Variants in OXR1 observed in about 807,000 individuals in gnomAD.
OXR1 encodes oxidation resistance protein 1.
In OXR1, 41 loss-of-function variants were observed where a neutral mutation model predicts 104.6. That is an observed-to-expected ratio of 0.39 (90% CI 0.31 to 0.51). The LOEUF (loss-of-function observed/expected upper bound fraction) is 0.51. Ranked by LOEUF, OXR1 falls within the 20% of genes least tolerant of loss-of-function variation. The probability of loss-of-function intolerance (pLI) is 0.77; values close to 1 mark genes in which losing one functional copy is unlikely to be tolerated. For synonymous variants in OXR1, 348 were observed against 348.4 expected, an observed-to-expected ratio of 1.00 and a Z score of 0.01; for missense variants, 955 against 1,031.9, an observed-to-expected ratio of 0.93 and a Z score of 1.02.
intron 1 of OXR1, among the ~76,000 whole-genome samples, chr8:106,270,642 A>AGACCGGGCGGCGAGGGAGGG: frequency 6.6e-6 from 1 of 151,970 alleles, no homozygotes; most frequent in Admixed American, 6.5e-5. Flanking sequence ...GCGAGGGAGG[A>AGACCGGGCGGCGAGGGAGGG]GACCGGGCGG....
At chr8:106,527,420 A>G (rs1006331530) in intron 3 of OXR1, among the ~76,000 whole-genome samples, 15 of 152,308 alleles carry the variant, frequency 9.8e-5, no homozygotes, top group Admixed American at 9.8e-4. Context: ...TTGTTACTCT[A>G]TAGATCTTTC....
At chr8:106,591,181 G>A (rs1007089633) in intron 3 of OXR1, among the ~76,000 whole-genome samples, 3 of 148,964 alleles carry the variant, frequency 2.0e-5, no homozygotes, top group East Asian at 2.0e-4. Context: ...GCAAACTATC[G>A]CAAGGACAAA....
At chr8:106,435,795 C>T (rs1178172892) in intron 2 of OXR1, among the ~76,000 whole-genome samples, 2 of 152,158 alleles carry the variant, frequency 1.3e-5, no homozygotes, top group Admixed American at 1.3e-4. Flanking sequence ...CAAGGCTCAG[C>T]AGTCTCAGGT....
chr8:106,638,171 A>C (rs1035225839), intron 3 of OXR1, among the ~76,000 whole-genome samples: 2 of 152,118 alleles, frequency 1.3e-5, no homozygotes, highest in Non-Finnish European at 2.9e-5. Context: ...TGACGTTCAC[A>C]ATTTAGCTTC....
chr8:106,687,945 A>G (rs1317131708), intron 6 of OXR1, among the ~76,000 whole-genome samples: 1 of 152,082 alleles, frequency 6.6e-6, no homozygotes, highest in Non-Finnish European at 1.5e-5. Context: ...CAGAAACACT[A>G]CTCTTGCCCA....
Position 106,684,229 on chromosome 8 carries a change from T to C in OXR1, c.412-17T>C, listed in dbSNP as rs1828471038. On this transcript the variant is annotated splice_polypyrimidine_tract_variant and intron_variant, in intron 5 of 16. Coordinates refer to ENST00000517566, the MANE Select transcript of OXR1 (RefSeq NM_001198533.2). ...ACTTCATTTTAACTAAATCTTTGTG[T>C]GAATGTTTTCTTACAGGTTCTGTAT... is the stretch of plus-strand genomic sequence containing the variant. 8.0e-7 allele frequency: 1 copy of C among 1,250,050 alleles called. No homozygotes were observed. The highest frequency in any genetic ancestry group is 1.2e-6 in the Non-Finnish European group (1 of 852,564). 77.4% of individuals were successfully genotyped at this position (1,250,050 alleles called of 1,614,324 possible).
At chr8:106,284,111 T>C (rs1366880184) in intron 1 of OXR1, among the ~76,000 whole-genome samples, 2 of 151,982 alleles carry the variant, frequency 1.3e-5, no homozygotes, top group Non-Finnish European at 2.9e-5. Context: ...ACATGGCCCA[T>C]GCTTTCATGG....
At chr8:106,639,032 G>C (rs1022354625) in intron 3 of OXR1, among the ~76,000 whole-genome samples, 4 of 152,186 alleles carry the variant, frequency 2.6e-5, no homozygotes, top group Admixed American at 6.5e-5. Context: ...GTGCTTGAAT[G>C]AGTTGGCTTT....
At chr8:106,714,482 A>C (rs1223851053) in intron 11 of OXR1, among the ~76,000 whole-genome samples, 1 of 152,046 alleles carries the variant, frequency 6.6e-6, no homozygotes, top group African/African-American at 2.4e-5. Context: ...TAAATTTTTC[A>C]ATAATAATTT....
At chr8:106,412,517 G>A (rs753194661) in intron 2 of OXR1, among the ~76,000 whole-genome samples, 3 of 152,090 alleles carry the variant, frequency 2.0e-5, no homozygotes, top group Non-Finnish European at 4.4e-5. Context: ...CAATTCCTAC[G>A]TAAGTATTCT....
At chr8:106,617,441 G>C (rs1410103984) in intron 3 of OXR1, among the ~76,000 whole-genome samples, 1 of 151,990 alleles carries the variant, frequency 6.6e-6, no homozygotes, top group African/African-American at 2.4e-5. Flanking sequence ...AAAAAAAGGG[G>C]GGTGGGTGCT....
intron 3 of OXR1, among the ~76,000 whole-genome samples, chr8:106,641,634 CAA>C (rs1455725266): frequency 1.3e-5 from 2 of 152,002 alleles, no homozygotes; most frequent in Non-Finnish European, 2.9e-5. Context: ...CTCTGGCAAA[CAA>C]AGTCATGAGT....
chr8:106,445,944 A>G (rs1337129821), intron 2 of OXR1, among the ~76,000 whole-genome samples: 2 of 152,188 alleles, frequency 1.3e-5, no homozygotes, highest in Non-Finnish European at 2.9e-5. Flanking sequence ...TGATTAACAG[A>G]AACAGTAACA....
chr8:106,619,207 G>A (rs1010290359), intron 3 of OXR1, among the ~76,000 whole-genome samples: 2 of 152,122 alleles, frequency 1.3e-5, no homozygotes, highest in African/African-American at 4.8e-5. Flanking sequence ...TAGACATGAG[G>A]CTTAATGATG....
intron 2 of OXR1, among the ~76,000 whole-genome samples, chr8:106,396,383 T>A (rs945718884): frequency 2.0e-5 from 3 of 151,980 alleles, no homozygotes; most frequent in African/African-American, 7.3e-5. Flanking sequence ...CCTGATAGGA[T>A]GTGCGGAGGA....
At chr8:106,548,698 A>G (rs1013526043) in intron 3 of OXR1, among the ~76,000 whole-genome samples, 1 of 152,210 alleles carries the variant, frequency 6.6e-6, no homozygotes, top group Non-Finnish European at 1.5e-5. Flanking sequence ...AACTCGATGA[A>G]GTAGTTTGGA....
rs1563716345 is a variant in OXR1, at chr8:106,694,653, GATATATAAATATATGTTTATATATTTA to G, written c.675+1818_675+1844del. 4.2e-3 allele frequency among the ~76,000 whole-genome samples: 139 copies of G among 33,288 alleles called. 2 individuals are homozygous for G. The highest frequency in any genetic ancestry group is 0.013 in the African/African-American group (62 of 4,642). The allele number at this position is 33,288 out of a possible 152,430, so 21.8% of individuals were successfully genotyped here. On this transcript the variant is annotated intron_variant, in intron 7 of 16. Transcript: ENST00000517566. ...TATAAATATATGTTTATATATATTT[GATATATAAATATATGTTTATATATTTA>G]ATATATAAATATATGTTTATATATT...
intron 9 of OXR1, 26 bp from the exon 10 acceptor site, chr8:106,710,596 A>G (rs750332620): frequency 1.3e-6 from 2 of 1,485,854 alleles, no homozygotes; most frequent in Non-Finnish European, 1.8e-6. Context: ...AGAATTGAAT[A>G]AACACTGTTT....
At chr8:106,564,816 G>T (rs1225928120) in intron 3 of OXR1, among the ~76,000 whole-genome samples, 3 of 152,160 alleles carry the variant, frequency 2.0e-5, no homozygotes, top group Admixed American at 6.5e-5. Context: ...GGGATGCAAG[G>T]CTGGTTCAAC....
Sources: allele counts gnomAD v4.1 joint callset (sites outside exome capture counted in the v4.1 genomes callset), GRCh38; gene constraint gnomAD v4.1.1; transcripts MANE v1.5; gene names NCBI Gene and HGNC (gene_info 2026-07-23, HGNC 2026-07-21).